PLB1: variants seen among roughly 807,000 people sequenced by gnomAD.
The protein encoded by PLB1 is phospholipase B1.
PLB1 carries 242 observed loss-of-function variants against 227.4 expected under a neutral mutation model. The observed-to-expected ratio is 1.06, with a 90% CI of 0.96 to 1.18. The LOEUF (loss-of-function observed/expected upper bound fraction) is 1.18. PLB1 is among the 50% of genes most tolerant of loss of function. The pLI is 0.00. For missense variants in PLB1, 1,858 were observed against 1,816.3 expected (o/e 1.02, Z -0.42); for synonymous variants, 757 against 682.2 (o/e 1.11, Z -1.71).
intron 43 of PLB1, among the ~76,000 whole-genome samples, chr2:28,612,686 G>A (rs1374525654): frequency 1.4e-5 from 2 of 143,614 alleles, no homozygotes; most frequent in Non-Finnish European, 3.0e-5. Context: ...TCATCTTACT[G>A]CAACCCCTGC....
chr2:28,570,779 GTCTC>G (rs1037845891), intron 20 of PLB1, among the ~76,000 whole-genome samples: 13 of 152,116 alleles, frequency 8.5e-5, no homozygotes, highest in Admixed American at 8.5e-4. Flanking sequence ...GAGTAAGACT[GTCTC>G]TAAATAAATA....
At chr2:28,561,573 A>AAT (rs1676061724) in intron 17 of PLB1, among the ~76,000 whole-genome samples, 1 of 152,224 alleles carries the variant, frequency 6.6e-6, no homozygotes, top group African/African-American at 2.4e-5. Context: ...ATATCCATAC[A>AAT]ATGGAATATC....
Position 28,519,730 on chromosome 2 carries a change from T to G in PLB1, c.210T>G (p.Ile70Met). 6.2e-7 allele frequency: 1 copy of G among 1,612,338 alleles called. No homozygotes were observed. Among genetic ancestry groups the G allele is most frequent in the South Asian group, 1.1e-5 (1 of 91,054 alleles). ...KSVHSLKPSDIKFVAAIGNLE... is the reference protein window; with the variant it reads ...KSVHSLKPSDMKFVAAIGNLE... ...TTCACTCTCTGAAGCCTTCTGATATTAAATTTGTGGCAGCCATTGGCAATC... is the reference window on the plus strand; with the variant it reads ...TTCACTCTCTGAAGCCTTCTGATATGAAATTTGTGGCAGCCATTGGCAATC... Residue 70 changes from isoleucine (I) to methionine (M), a missense_variant, in exon 4 of 58, where the codon ATT (isoleucine) becomes ATG (methionine). Physicochemically the swap from Ile to Met is conservative, Grantham distance 10. Transcript: ENST00000327757.
chr2:28,503,934 A>G (rs1362656758), intron 1 of PLB1, among the ~76,000 whole-genome samples: 4 of 152,212 alleles, frequency 2.6e-5, no homozygotes, highest in African/African-American at 7.2e-5. Flanking sequence ...ACAGGATGAG[A>G]CGAAATGCTG....
chr2:28,618,251 G>A, intron 45 of PLB1, 90 bp from the exon 46 acceptor site: 1 of 1,201,226 alleles, frequency 8.3e-7, no homozygotes, highest in Non-Finnish European at 1.2e-6. Flanking sequence ...GGGAGCAGTG[G>A]GACAGAGTTA....
intron 42 of PLB1, 42 bp downstream of exon 42, chr2:28,605,990 C>A (rs777050125): frequency 6.0e-6 from 9 of 1,497,878 alleles, no homozygotes; most frequent in Non-Finnish European, 7.4e-6. Context: ...GGGTTCTAGT[C>A]TAGGGCAGGG....
chr2:28,580,187 C>T (rs989376919), intron 23 of PLB1, among the ~76,000 whole-genome samples: 1 of 152,208 alleles, frequency 6.6e-6, no homozygotes, highest in Non-Finnish European at 1.5e-5. Flanking sequence ...ATGGATGCTG[C>T]GTGTCCTCCT....
chr2:28,607,719 G>T (rs1684881902), intron 43 of PLB1, among the ~76,000 whole-genome samples: 1 of 150,498 alleles, frequency 6.6e-6, no homozygotes, highest in Admixed American at 6.6e-5. Context: ...TCCTAAGGAT[G>T]CCTGGGGGTT....
At position 28,514,698 on chromosome 2, in the gene PLB1, C is replaced by T. The variant is rs574402538; in HGVS notation, c.56-2110C>T. ...TCTGGCCCTATATAGAAAAAGTCTG[C>T]TGGCCCTGGTCTAGACCTTGGGCAT... On this transcript the variant is annotated intron_variant, in intron 1 of 57. Coordinates refer to ENST00000327757, the MANE Select transcript of PLB1 (RefSeq NM_153021.5). Among the ~76,000 whole-genome samples the T allele has an allele frequency of 7.2e-5, 11 of 152,262 alleles. No individual in the cohort carries two copies. The South Asian group carries it at 2.1e-3, about 29-fold the overall frequency.
chr2:28,532,779 G>A (rs1005798232), intron 9 of PLB1, among the ~76,000 whole-genome samples: 1 of 152,178 alleles, frequency 6.6e-6, no homozygotes, highest in Non-Finnish European at 1.5e-5. Flanking sequence ...ATTTGTGGTG[G>A]GAAAGCTGCT....
Position 28,602,818 on chromosome 2 carries a change from T to C in PLB1, c.2674-3T>C. ...CCCCTCTCATCTGCAGCTTTTCCCT[T>C]AGGTGCCCAGAGTCCTGGTCAACCT... On this transcript the variant is annotated splice_region_variant and splice_polypyrimidine_tract_variant and intron_variant, in intron 38 of 57. Transcript: ENST00000327757. The C allele has an allele frequency of 6.2e-7, 1 of 1,613,824 alleles. No individual in the cohort carries two copies. Among genetic ancestry groups the C allele is most frequent in the Non-Finnish European group, 8.5e-7 (1 of 1,179,726 alleles).
chr2:28,590,135 C>A, intron 29 of PLB1, 59 bp downstream of exon 29: 1 of 1,419,800 alleles, frequency 7.0e-7, no homozygotes, highest in Non-Finnish European at 1.0e-6. Flanking sequence ...TGGCTCATTT[C>A]ATCCTAGGCC....
At position 28,539,702 on chromosome 2, in the gene PLB1, G is replaced by C. The variant is rs60970326; in HGVS notation, c.698+524G>C. Among the ~76,000 whole-genome samples the C allele has an allele frequency of 7.3e-3, 1,112 of 152,200 alleles. 17 individuals are homozygous for C. The highest frequency in any genetic ancestry group is 0.025 in the African/African-American group (1,058 of 41,504). On this transcript the variant is annotated intron_variant, in intron 11 of 57. Coordinates refer to ENST00000327757, the MANE Select transcript of PLB1 (RefSeq NM_153021.5). ...GGGCGGTGGAGAAAAGAGAGTGCTGGAAAGGAGAGAAGTGGGGTGCTGGGG... is the reference window on the plus strand; with the variant it reads ...GGGCGGTGGAGAAAAGAGAGTGCTGCAAAGGAGAGAAGTGGGGTGCTGGGG...
chr2:28,593,924 G>T, intron 33 of PLB1, 170 bp downstream of exon 33: 1 of 738,858 alleles, frequency 1.4e-6, no homozygotes, highest in Non-Finnish European at 2.5e-6. Context: ...GGTGAGTGGA[G>T]AGGATATTTT....
chr2:28,620,724 G>C, intron 48 of PLB1, 81 bp downstream of exon 48: 1 of 1,590,114 alleles, frequency 6.3e-7, no homozygotes, highest in East Asian at 2.2e-5. Context: ...GAGGGGAAGA[G>C]GAGGTTATCT....
intron 20 of PLB1, among the ~76,000 whole-genome samples, chr2:28,570,839 C>T (rs1296167514): frequency 1.3e-5 from 2 of 152,084 alleles, no homozygotes; most frequent in Admixed American, 1.3e-4. Context: ...GAAAATTCCT[C>T]ATTCTGATAA....
chr2:28,581,980 AG>A lies in PLB1; in HGVS notation c.1567-87del, dbSNP rs201511799. 2.7e-3 allele frequency: 3,468 copies of A among 1,265,410 alleles called. 58 individuals carry two copies. The African/African-American group carries it at 0.041, about 15-fold the overall frequency. The allele number at this position is 1,265,410 out of a possible 1,614,324, so 78.4% of individuals were successfully genotyped here. A position where few individuals can be genotyped will look rare whatever the true frequency, so the allele number is the denominator to read the frequency against. The stretch of plus-strand genomic sequence containing the variant: ...TATCTCAAAAAAAGAAAAAAAAAAA[AG>A]AAGGGGACCCAAGAGAGAAAGTAGC... On this transcript the variant is annotated intron_variant, in intron 23 of 57. Coordinates refer to ENST00000327757, the MANE Select transcript of PLB1 (RefSeq NM_153021.5).
intron 1 of PLB1, among the ~76,000 whole-genome samples, chr2:28,504,959 A>G (rs1315687786): frequency 2.0e-5 from 3 of 152,170 alleles, no homozygotes; most frequent in Non-Finnish European, 4.4e-5. Flanking sequence ...TTTGAGGCCT[A>G]GGATGAAGGT....
At chr2:28,629,260 C>A in intron 53 of PLB1, 75 bp downstream of exon 53, 3 of 1,387,462 alleles carry the variant, frequency 2.2e-6, no homozygotes, top group Non-Finnish European at 3.0e-6. Context: ...AAGGAGGAGA[C>A]CAGTTGAGGC....
Sources: gnomAD v4.1 joint callset for allele counts (sites outside exome capture counted in the v4.1 genomes callset) on GRCh38, gnomAD v4.1.1 for gene constraint, MANE v1.5 for transcripts, NCBI Gene and HGNC (gene_info 2026-07-23, HGNC 2026-07-21) for gene names.